The following ANKRD27 variants were observed in gnomAD, a reference collection of about 807,000 sequenced individuals.
ANKRD27 encodes ankyrin repeat domain 27.
ANKRD27 carries 112 observed loss-of-function variants against 129.7 expected under a neutral mutation model. That is an observed-to-expected ratio of 0.86 (90% CI 0.74 to 1.01). The LOEUF (loss-of-function observed/expected upper bound fraction) is 1.01. Ranked by LOEUF, ANKRD27 falls within the 50% of genes least tolerant of loss-of-function variation. The probability of loss-of-function intolerance (pLI) is 0.00; values close to 1 mark genes in which losing one functional copy is unlikely to be tolerated. For synonymous variants in ANKRD27, 516 were observed against 511.2 expected (o/e 1.01, Z -0.13); for missense variants, 1,258 against 1,300.5 (o/e 0.97, Z 0.50).
intron 13 of ANKRD27, among the ~76,000 whole-genome samples, chr19:32,629,369 C>G (rs1023235789): frequency 6.6e-5 from 10 of 152,084 alleles, no homozygotes; most frequent in Admixed American, 6.5e-4. Flanking sequence ...TTCTACTACT[C>G]TATTTCTGGA....
intron 12 of ANKRD27, among the ~76,000 whole-genome samples, chr19:32,632,153 G>T (rs1013739629): frequency 2.0e-5 from 3 of 151,864 alleles, no homozygotes; most frequent in Admixed American, 2.0e-4. Flanking sequence ...GCAGGGCATG[G>T]TGGTACATGC....
At chr19:32,635,710 T>C (rs2145292515) in intron 12 of ANKRD27, among the ~76,000 whole-genome samples, 1 of 151,916 alleles carries the variant, frequency 6.6e-6, no homozygotes, top group Middle Eastern at 3.4e-3. Flanking sequence ...CGAGATGCGA[T>C]GGATGACCCC....
intron 1 of ANKRD27, among the ~76,000 whole-genome samples, chr19:32,660,533 A>G (rs1967624867): frequency 1.3e-5 from 2 of 152,122 alleles, no homozygotes; most frequent in African/African-American, 2.4e-5. Flanking sequence ...AAAGAAAAAG[A>G]AAGAGGCCTG....
chr19:32,633,724 A>C (rs1967041323), intron 12 of ANKRD27, among the ~76,000 whole-genome samples: 1 of 151,744 alleles, frequency 6.6e-6, no homozygotes, highest in African/African-American at 2.4e-5. Context: ...ATTTATGAAC[A>C]TGCTTAAAGA....
At chr19:32,669,684 G>A (rs1967828777) in intron 1 of ANKRD27, among the ~76,000 whole-genome samples, 1 of 152,108 alleles carries the variant, frequency 6.6e-6, no homozygotes, top group Admixed American at 6.6e-5. Context: ...AGAGCTGGGA[G>A]GTAAGGACCA....
intron 23 of ANKRD27, among the ~76,000 whole-genome samples, chr19:32,606,703 G>C (rs1161754048): frequency 6.6e-6 from 1 of 152,120 alleles, no homozygotes; most frequent in African/African-American, 2.4e-5. Flanking sequence ...CTCTATGCTA[G>C]GTGTTGGCGA....
chr19:32,618,876 A>G (rs1971962995), intron 20 of ANKRD27, among the ~76,000 whole-genome samples: 1 of 152,170 alleles, frequency 6.6e-6, no homozygotes, highest in Non-Finnish European at 1.5e-5. Flanking sequence ...GCACCACTGC[A>G]CTCCAGCCTG....
chr19:32,625,848 C>T (rs1488310009), intron 17 of ANKRD27, 26 bp downstream of exon 17: 15 of 1,529,336 alleles, frequency 9.8e-6, no homozygotes, highest in Non-Finnish European at 1.3e-5. Context: ...GAACGCAGCC[C>T]CCCCGGAACA....
intron 4 of ANKRD27, among the ~76,000 whole-genome samples, chr19:32,645,356 G>A (rs1172157572): frequency 6.6e-6 from 1 of 152,002 alleles, no homozygotes; most frequent in Non-Finnish European, 1.5e-5. Flanking sequence ...AGGCTGCAGT[G>A]AGCCAAGATT....
rs539203644 is a variant in ANKRD27, at chr19:32,605,691, G to A, written c.2493+144C>T. The A allele has an allele frequency of 1.3e-5, 14 of 1,113,000 alleles. No individual in the cohort carries two copies. In the African/African-American group the frequency reaches 1.6e-4, roughly 13 times the overall value. The allele number at this position is 1,113,000 out of a possible 1,614,324, so 68.9% of individuals were successfully genotyped here. On this transcript the variant is annotated intron_variant, in intron 24 of 28. Transcript: ENST00000306065. ...ATCGGAGAACCCCGTGTGGGAAGAC[G>A]CACGCCCTGCTCCTCTCCCCAGAGG...
Position 32,614,735 on chromosome 19 carries a change from CTG to C in ANKRD27, c.2175+921_2175+922del. Among the ~76,000 whole-genome samples the C allele has an allele frequency of 1.3e-5, 2 of 152,054 alleles. 1 individual carries two copies. The highest frequency in any genetic ancestry group is 6.8e-3 in the Middle Eastern group (2 of 294). ...AAGAACAAGGAGTATATAAAAGTAT[CTG>C]TCACAGAAAATATCTTGAATGTGAT... On this transcript the variant is annotated intron_variant, in intron 22 of 28. Transcript: ENST00000306065.
Position 32,646,461 on chromosome 19 carries a change from G to A in ANKRD27, c.368C>T (p.Ser123Leu). The A allele has an allele frequency of 6.2e-7, 1 of 1,601,544 alleles. No individual in the cohort carries two copies. Among genetic ancestry groups the A allele is most frequent in the African/African-American group, 1.4e-5 (1 of 74,066 alleles). Residue 123 changes from serine to leucine, a missense_variant and splice_region_variant, in exon 4 of 29, where the codon TCA becomes TTA. Transcript: ENST00000306065. ...AAAGGTTTTTTCTCCCAGAATACCT[G>A]AACTCTCTCTCTTTTCCAAAGGATG... ...IAHPLEKRES[S>L]EEPLAPSDPF...
At chr19:32,627,356 A>T (rs1966902296) in intron 15 of ANKRD27, among the ~76,000 whole-genome samples, 1 of 144,906 alleles carries the variant, frequency 6.9e-6, no homozygotes. Flanking sequence ...TTGAATGTGC[A>T]CTTTATTTTA....
At chr19:32,620,305 T>C (rs544467758) in intron 18 of ANKRD27, among the ~76,000 whole-genome samples, 1 of 149,854 alleles carries the variant, frequency 6.7e-6, no homozygotes, top group South Asian at 2.1e-4. Flanking sequence ...ATAACTGTAA[T>C]CCCAGCACTT....
intron 12 of ANKRD27, among the ~76,000 whole-genome samples, chr19:32,634,766 T>C (rs1369883176): frequency 6.6e-6 from 1 of 152,006 alleles, no homozygotes; most frequent in Admixed American, 6.6e-5. Flanking sequence ...AATACAAAAA[T>C]TAGCCGTGCG....
chr19:32,605,956 T>C lies in ANKRD27; in HGVS notation c.2374-2A>G. The C allele has an allele frequency of 2.5e-6, 4 of 1,612,344 alleles. No individual in the cohort carries two copies. Among genetic ancestry groups the C allele is most frequent in the Non-Finnish European group, 2.5e-6 (3 of 1,179,230 alleles). ...CGAATCTAACAGACACTTCACCACC[T>C]GGGCCAGAGAAGGAAAACGTGCAAA... is the stretch of plus-strand genomic sequence containing the variant. On this transcript the variant is annotated splice_acceptor_variant, in intron 23 of 28. Transcript: ENST00000306065. LOFTEE classifies it high-confidence loss of function.
intron 20 of ANKRD27, among the ~76,000 whole-genome samples, chr19:32,618,205 A>C (rs1971951657): frequency 6.6e-6 from 1 of 152,088 alleles, no homozygotes; most frequent in South Asian, 2.1e-4. Flanking sequence ...GTATATTTAT[A>C]TGTATATACA....
chr19:32,672,149 TC>T (rs1967882970), intron 1 of ANKRD27, among the ~76,000 whole-genome samples: 1 of 152,240 alleles, frequency 6.6e-6, no homozygotes, highest in South Asian at 2.1e-4. Flanking sequence ...TTCCCGCCCT[TC>T]CGGGGCTCTG....
rs1599729779 is a variant in ANKRD27, at chr19:32,600,151, A to G, written c.2768-101T>C. 6.5e-6 allele frequency: 6 copies of G among 929,130 alleles called. No individual in the cohort carries two copies. The East Asian group carries it at 1.6e-4, about 24-fold the overall frequency. The allele number at this position is 929,130 out of a possible 1,614,324, so 57.6% of individuals were successfully genotyped here. A position where few individuals can be genotyped will look rare whatever the true frequency, so the allele number is the denominator to read the frequency against. ...CAATCTTTCTATTCTCAGATTTACA[A>G]AATTTAGAAACTGAAGCACTGAATT... On this transcript the variant is annotated intron_variant, in intron 26 of 28. Coordinates refer to ENST00000306065, the MANE Select transcript of ANKRD27 (RefSeq NM_032139.3).
Sources: allele counts gnomAD v4.1 joint callset (sites outside exome capture counted in the v4.1 genomes callset), GRCh38; gene constraint gnomAD v4.1.1; transcripts MANE v1.5; gene names NCBI Gene and HGNC (gene_info 2026-07-23, HGNC 2026-07-21).